The following FAT3 variants were observed in gnomAD, a reference collection of about 807,000 sequenced individuals.
FAT3 encodes protocadherin Fat 3.
In FAT3, 95 loss-of-function variants were observed where a neutral mutation model predicts 310.2. The ratio of observed to expected loss-of-function variants is 0.31; its 90% CI spans 0.26 to 0.36. The LOEUF (loss-of-function observed/expected upper bound fraction) is 0.36. FAT3 is among the 10% of genes least tolerant of loss of function. FAT3 has a pLI of 1.00. For missense variants in FAT3, 5,408 were observed against 5,715.6 expected, an observed-to-expected ratio of 0.95 and a Z score of 1.74; for synonymous variants, 2,314 against 2,192.9, an observed-to-expected ratio of 1.06 and a Z score of -1.54.
intron 3 of FAT3, among the ~76,000 whole-genome samples, chr11:92,598,584 C>A (rs1443221889): frequency 1.3e-5 from 2 of 152,056 alleles, no homozygotes; most frequent in Non-Finnish European, 2.9e-5. Flanking sequence ...TGCATTTATC[C>A]TCATTTTATA....
intron 2 of FAT3, among the ~76,000 whole-genome samples, chr11:92,440,611 A>G (rs372093810): frequency 1.3e-4 from 20 of 152,190 alleles, no homozygotes; most frequent in Non-Finnish European, 2.2e-4. Context: ...CATTCAATGC[A>G]TGGTCAGTGG....
chr11:92,368,651 TCTC>T (rs1949087302), intron 2 of FAT3, among the ~76,000 whole-genome samples: 1 of 152,012 alleles, frequency 6.6e-6, no homozygotes, highest in Non-Finnish European at 1.5e-5. Flanking sequence ...TAGCCTAATT[TCTC>T]CTCCAAAACT....
chr11:92,407,009 T>C (rs1043488672), intron 2 of FAT3, among the ~76,000 whole-genome samples: 3 of 152,158 alleles, frequency 2.0e-5, no homozygotes, highest in African/African-American at 7.2e-5. Flanking sequence ...GGTTGACCCA[T>C]AAAGACCACA....
intron 2 of FAT3, among the ~76,000 whole-genome samples, chr11:92,512,626 T>C (rs1360853365): frequency 6.8e-6 from 1 of 147,448 alleles, no homozygotes; most frequent in Non-Finnish European, 1.5e-5. Flanking sequence ...AAAATATATA[T>C]ATTTAAAATA....
Position 92,781,562 on chromosome 11 carries a change from A to G in FAT3, c.4335+7382A>G, listed in dbSNP as rs527895928. On this transcript the variant is annotated intron_variant, in intron 7 of 27. Coordinates refer to ENST00000525166, the MANE Select transcript of FAT3 (RefSeq NM_001367949.2). Reference sequence around the variant, plus strand: ...CCAGGAACATTTCCTACACATTTATATATATGAAATACACAATTTAACTCA... The same window carrying G: ...CCAGGAACATTTCCTACACATTTATGTATATGAAATACACAATTTAACTCA... 5.9e-5 allele frequency among the ~76,000 whole-genome samples: 9 copies of G among 152,288 alleles called. No homozygotes were observed. In the South Asian group the frequency reaches 8.3e-4, roughly 14 times the overall value.
Position 92,761,873 on chromosome 11 carries a change from T to C in FAT3, c.3687T>C (p.Gly1229=), listed in dbSNP as rs1277137792. 5.6e-6 allele frequency: 9 copies of C among 1,613,540 alleles called. No homozygotes were observed. In the Admixed American group the frequency reaches 1.3e-4, roughly 24 times the overall value. ...EHFLEVTVTD[G]GPSPKQSTIW... ...TTTTTCAGGTGACTGTGACAGATGGTGGTCCCTCTCCAAAACAGTCAACCA... is the reference window on the plus strand; with the variant it reads ...TTTTTCAGGTGACTGTGACAGATGGCGGTCCCTCTCCAAAACAGTCAACCA... Residue 1229 remains glycine, a synonymous_variant, in exon 5 of 28, where the codon GGT becomes GGC. Transcript: ENST00000525166.
intron 1 of FAT3, among the ~76,000 whole-genome samples, chr11:92,308,929 T>C (rs1476342835): frequency 1.3e-5 from 2 of 152,052 alleles, no homozygotes; most frequent in Non-Finnish European, 2.9e-5. Context: ...TTATTTCATA[T>C]TGATCATACC....
At chr11:92,528,903 A>T (rs1953970342) in intron 3 of FAT3, among the ~76,000 whole-genome samples, 1 of 152,234 alleles carries the variant, frequency 6.6e-6, no homozygotes, top group Non-Finnish European at 1.5e-5. Flanking sequence ...ATTTCCCCCT[A>T]GAAAAAAAGT....
At chr11:92,878,824 A>G (rs1397590320) in intron 22 of FAT3, among the ~76,000 whole-genome samples, 1 of 151,758 alleles carries the variant, frequency 6.6e-6, no homozygotes, top group Non-Finnish European at 1.5e-5. Context: ...AGGAGATCTG[A>G]GATCCAAAAA....
intron 1 of FAT3, among the ~76,000 whole-genome samples, chr11:92,343,107 G>T (rs1431933939): frequency 6.6e-6 from 1 of 152,118 alleles, no homozygotes; most frequent in African/African-American, 2.4e-5. Flanking sequence ...TAACACTGCC[G>T]CTGTGTGGCT....
In FAT3 at chr11:92,887,018, C is replaced by A; in HGVS notation, c.12956C>A (p.Pro4319Gln). Residue 4319 changes from proline (P) to glutamine (Q), a missense_variant, in exon 25 of 28, where the codon CCG becomes CAG. Coordinates refer to ENST00000525166, the MANE Select transcript of FAT3 (RefSeq NM_001367949.2). Reference protein sequence around the residue: ...AGTENKGVDDPGEVTCFAGSN... With the variant: ...AGTENKGVDDQGEVTCFAGSN... The stretch of plus-strand genomic sequence containing the variant: ...CATGAAGACAAAGGGGTTGATGACC[C>A]GGGAGAAGTGACCTGCTTTGCAGGT... 6.2e-7 allele frequency: 1 copy of A among 1,606,982 alleles called. No individual in the cohort carries two copies. The highest frequency in any genetic ancestry group is 8.5e-7 in the Non-Finnish European group (1 of 1,176,992).
intron 3 of FAT3, among the ~76,000 whole-genome samples, chr11:92,571,877 GCCTATGCAAGGGCATT>G (rs1166843134): frequency 1.3e-5 from 2 of 152,192 alleles, no homozygotes; most frequent in Non-Finnish European, 2.9e-5. Flanking sequence ...CTTCTTGGGT[GCCTATGCAAGGGCATT>G]CAGGGATGTA....
chr11:92,773,951 CT>C (rs2136115545), intron 6 of FAT3, 89 bp from the exon 7 acceptor site: 1 of 1,461,800 alleles, frequency 6.8e-7, no homozygotes, highest in Non-Finnish European at 9.2e-7. Flanking sequence ...AAAAAAATTT[CT>C]GTATAAGAGC....
intron 3 of FAT3, among the ~76,000 whole-genome samples, chr11:92,572,429 C>G (rs1353160287): frequency 6.6e-6 from 1 of 152,150 alleles, no homozygotes; most frequent in East Asian, 1.9e-4. Context: ...TCGATATTTT[C>G]TCACCCACAC....
chr11:92,361,465 C>T (rs1460364644), intron 2 of FAT3, among the ~76,000 whole-genome samples: 1 of 151,986 alleles, frequency 6.6e-6, no homozygotes, highest in African/African-American at 2.4e-5. Flanking sequence ...ATTCCACCCT[C>T]GTGAATGGGA....
At chr11:92,518,585 A>C (rs1953573456) in intron 2 of FAT3, among the ~76,000 whole-genome samples, 1 of 152,004 alleles carries the variant, frequency 6.6e-6, no homozygotes, top group Non-Finnish European at 1.5e-5. Context: ...GGGTGCAGCA[A>C]ATCACCATGG....
intron 19 of FAT3, among the ~76,000 whole-genome samples, chr11:92,855,874 T>C (rs1948962218): frequency 6.6e-6 from 1 of 152,218 alleles, no homozygotes; most frequent in African/African-American, 2.4e-5. Flanking sequence ...GTGCTACTTA[T>C]ATTGCTCCTG....
rs537547287 is a variant in FAT3 at position 92,831,984 on chromosome 11, G to A, written c.9844G>A (p.Gly3282Arg). Residue 3282 changes from glycine to arginine, a missense_variant, in exon 14 of 28, where the codon GGG becomes AGG. By Grantham distance (125) the Gly-to-Arg change is moderately radical. This residue lies in a region of FAT3 where 4,588 missense variants were observed against 4,809.8 expected (regional missense o/e 0.95). Transcript: ENST00000525166. Reference protein sequence around the residue: ...TYLIRSGNEQGKFKINPKTGG... With the variant: ...TYLIRSGNEQRKFKINPKTGG... ...TCTCATCCGGTCTGGGAACGAACAAGGGAAATTTAAGATCAACCCCAAGAC... is the reference window on the plus strand; with the variant it reads ...TCTCATCCGGTCTGGGAACGAACAAAGGAAATTTAAGATCAACCCCAAGAC... 3.6e-5 allele frequency: 56 copies of A among 1,554,442 alleles called. No homozygotes were observed. Among genetic ancestry groups the A allele is most frequent in the Non-Finnish European group, 4.7e-5 (54 of 1,149,382 alleles).
intron 4 of FAT3, among the ~76,000 whole-genome samples, chr11:92,745,210 T>C (rs140289775): frequency 6.6e-6 from 1 of 152,312 alleles, no homozygotes; most frequent in African/African-American, 2.4e-5. Flanking sequence ...TTATATCTGG[T>C]GGATTCTGTT....
Sources: allele counts gnomAD v4.1 joint callset (sites outside exome capture counted in the v4.1 genomes callset), GRCh38; gene constraint gnomAD v4.1.1; regional missense constraint gnomAD v4.1.1; transcripts MANE v1.5; gene names NCBI Gene and HGNC (gene_info 2026-07-23, HGNC 2026-07-21).